The following CIZ1 variants were observed in gnomAD, a reference collection of about 807,000 sequenced individuals.
The protein encoded by CIZ1 is CDKN1A interacting zinc finger protein 1.
In CIZ1, 58 loss-of-function variants were observed where a neutral mutation model predicts 118.6. The observed-to-expected ratio is 0.49, with a 90% CI of 0.40 to 0.61. The LOEUF is 0.61. Among genes scored for constraint, CIZ1 ranks in the 20% least tolerant of loss-of-function variants. CIZ1 has a pLI of 0.00. For synonymous variants in CIZ1, 448 were observed against 443.4 expected, an observed-to-expected ratio of 1.01 and a Z score of -0.13; for missense variants, 921 against 1,115.9, an observed-to-expected ratio of 0.83 and a Z score of 2.49.
At chr9:128,177,526 A>AGGC in intron 10 of CIZ1, 40 bp downstream of exon 10, 1 of 1,242,652 alleles carries the variant, frequency 8.0e-7, no homozygotes. Context: ...CATTCCACGC[A>AGGC]GGCCCCACCC....
intron 14 of CIZ1, chr9:128,167,574 T>TG: frequency 5.3e-6 from 1 of 187,170 alleles, no homozygotes; most frequent in Admixed American, 5.3e-5. Context: ...GTGGAGGAGC[T>TG]GGGCAGGGAA....
At chr9:128,198,745 T>C (rs1485488598) in intron 1 of CIZ1, among the ~76,000 whole-genome samples, 1 of 151,722 alleles carries the variant, frequency 6.6e-6, no homozygotes, top group Non-Finnish European at 1.5e-5. Context: ...GGCAGGGGAA[T>C]CGCTTGAACC....
Position 128,185,685 on chromosome 9 carries a change from G to C in CIZ1, c.450C>G (p.Phe150Leu), listed in dbSNP as rs1832272155. 1 of 1,608,714 alleles carries C rather than the reference G, an allele frequency of 6.2e-7. No homozygotes were observed. Among genetic ancestry groups the C allele is most frequent in the African/African-American group, 1.3e-5 (1 of 74,978 alleles). ...PQLATPNLQQ[F>L]FPQATRQSLL... The stretch of plus-strand genomic sequence containing the variant: ...AGGACTGGCGAGTGGCCTGGGGAAA[G>C]AACTGTTGCAAATTTGGAGTGGCCA... Residue 150 changes from phenylalanine (F) to leucine (L), a missense_variant, in exon 5 of 17, where the codon TTC (phenylalanine) becomes TTG (leucine). By Grantham distance (22) the Phe-to-Leu change is conservative. Coordinates refer to ENST00000372938, the MANE Select transcript of CIZ1 (RefSeq NM_001131016.2).
intron 3 of CIZ1, among the ~76,000 whole-genome samples, chr9:128,189,018 C>A (rs1286500460): frequency 6.0e-4 from 91 of 152,038 alleles, no homozygotes; most frequent in Non-Finnish European, 1.0e-4. Flanking sequence ...AGGATGGTCT[C>A]GATCTCCTGA....
upstream of CIZ1, among the ~76,000 whole-genome samples, chr9:128,192,294 C>T (rs529116825): frequency 1.3e-5 from 2 of 151,108 alleles, no homozygotes; most frequent in South Asian, 4.2e-4. Flanking sequence ...CACTTGAGCC[C>T]GGGAGGCACA....
At chr9:128,176,303 T>C in intron 11 of CIZ1, 48 bp downstream of exon 11, 1 of 1,600,944 alleles carries the variant, frequency 6.2e-7, no homozygotes, top group South Asian at 1.1e-5. Context: ...CCCTGGCCGA[T>C]GAGACTGCCT....
At chr9:128,201,845 G>T (rs948937786) in intron 1 of CIZ1, among the ~76,000 whole-genome samples, 3 of 152,204 alleles carry the variant, frequency 2.0e-5, no homozygotes, top group African/African-American at 7.2e-5. Context: ...GCCCAGATTA[G>T]ACTCCTAATC....
chr9:128,196,844 C>G (rs10819372), intron 1 of CIZ1: 6 of 152,002 alleles, frequency 3.9e-5, no homozygotes, highest in African/African-American at 1.5e-4. Context: ...CCTTGTGATA[C>G]CCCCGCCTCA....
Position 128,203,401 on chromosome 9 carries a change from G to T in CIZ1, c.-6+785C>A. The T allele has an allele frequency of 1.4e-5, 18 of 1,326,832 alleles. No individual in the cohort carries two copies. Among genetic ancestry groups the T allele is most frequent in the African/African-American group, 1.6e-5 (1 of 64,498 alleles). 82.2% of individuals were successfully genotyped at this position (1,326,832 alleles called of 1,614,324 possible). On this transcript the variant is annotated intron_variant, in intron 1 of 17. Coordinates refer to the CIZ1 transcript ENST00000372948. This position sits in a 1 kb window ranked among gnomAD's most constrained non-coding sequence, Gnocchi z 5.3. ...GGCAGTCTGGGCGCGCGGCTGCAGC[G>T]GCGGAGCCGGAGTCGGAGCCGGGAG...
At chr9:128,177,320 T>C (rs1400559425) in intron 10 of CIZ1, among the ~76,000 whole-genome samples, 1 of 152,000 alleles carries the variant, frequency 6.6e-6, no homozygotes, top group Non-Finnish European at 1.5e-5. Context: ...GCCCAAGAGG[T>C]AGAGGCTGCA....
intron 1 of CIZ1, chr9:128,200,142 A>C (rs1833477066): frequency 6.6e-6 from 1 of 152,050 alleles, no homozygotes; most frequent in South Asian, 2.1e-4. Flanking sequence ...CTGGCCTGGC[A>C]TCAGTGATAC....
chr9:128,188,117 C>CA (rs34796767), intron 3 of CIZ1, among the ~76,000 whole-genome samples, 183 bp from the exon 4 acceptor site: 76,955 of 104,422 alleles, frequency 0.74, 31,039 homozygotes, highest in Non-Finnish European at 0.91. Context: ...AAGAAAAAAG[C>CA]AAAAAAAAAA....
chr9:128,178,482 T>C lies in CIZ1; in HGVS notation c.1507A>G (p.Lys503Glu). The C allele has an allele frequency of 1.9e-6, 3 of 1,614,192 alleles. No individual in the cohort carries two copies. The highest frequency in any genetic ancestry group is 1.7e-6 in the Non-Finnish European group (2 of 1,180,022). ...DAVEAGGGME[K>E]TLPEPVGTQV... is the part of the protein sequence containing the mutation. ...GTGCCCACAGGCTCTGGCAAGGTCTTTTCCATGCCTGAAATGACAGATGTG... is the reference window on the plus strand; with the variant it reads ...GTGCCCACAGGCTCTGGCAAGGTCTCTTCCATGCCTGAAATGACAGATGTG... Residue 503 changes from lysine (K) to glutamate (E), a missense_variant, in exon 9 of 17, where the codon AAG (lysine) becomes GAG (glutamate). Coordinates refer to ENST00000372938, the MANE Select transcript of CIZ1 (RefSeq NM_001131016.2).
chr9:128,166,840 GC>G lies in CIZ1; in HGVS notation c.2405del (p.Arg802ProfsTer43), dbSNP rs752165094. 1 of 1,614,230 alleles carries G rather than the reference GC, an allele frequency of 6.2e-7. No homozygotes were observed. Among genetic ancestry groups the G allele is most frequent in the Non-Finnish European group, 8.5e-7 (1 of 1,180,036 alleles). On this transcript the variant is annotated frameshift_variant, in exon 16 of 17. Coordinates refer to ENST00000372938, the MANE Select transcript of CIZ1 (RefSeq NM_001131016.2). LOFTEE classifies it high-confidence loss of function. The surrounding 1 kb of genome is among the most constrained non-coding windows in gnomAD (Gnocchi z 4.4). ...FLVPVMGYIC[R>X]ICHKFYHSNS... is the part of the protein sequence containing the mutation. ...TGCTGTGATAGAACTTGTGGCAGAT[GC>G]GGCAGATATAGCCCATCACGGGCAC...
chr9:128,198,558 G>A (rs1211836308), intron 1 of CIZ1, among the ~76,000 whole-genome samples: 1 of 152,196 alleles, frequency 6.6e-6, no homozygotes, highest in Non-Finnish European at 1.5e-5. Flanking sequence ...TTTTGGCCAG[G>A]CACGGTGGCT....
Position 128,170,110 on chromosome 9 carries a change from G to A in CIZ1, c.1944-3C>T, listed in dbSNP as rs758838248. ...ACCAGCGCCTTGGTGGAGGCTCCCTGAATGACAACAGTCAAAGCAAGTACA... is the reference window on the plus strand; with the variant it reads ...ACCAGCGCCTTGGTGGAGGCTCCCTAAATGACAACAGTCAAAGCAAGTACA... On this transcript the variant is annotated splice_polypyrimidine_tract_variant and splice_region_variant and intron_variant, in intron 11 of 16. Transcript: ENST00000372938. 1.9e-6 allele frequency: 3 copies of A among 1,565,160 alleles called. No homozygotes were observed. Among genetic ancestry groups the A allele is most frequent in the Non-Finnish European group, 2.6e-6 (3 of 1,150,248 alleles).
At chr9:128,190,238 G>T in intron 3 of CIZ1, 91 bp downstream of exon 3, 1 of 869,892 alleles carries the variant, frequency 1.1e-6, no homozygotes, top group Non-Finnish European at 1.9e-6. Context: ...CTCCCTCTCA[G>T]GGTGGCTGTG....
Position 128,185,700 on chromosome 9 carries a change from T to C in CIZ1, c.435A>G (p.Pro145=). ...PSLTPPQLAT[P]NLQQFFPQAT... is the part of the protein sequence containing the mutation. The stretch of plus-strand genomic sequence containing the variant: ...CCTGGGGAAAGAACTGTTGCAAATT[T>C]GGAGTGGCCAGTTGTGGGGGTGTGA... The change falls in exon 5 of 17, where the codon CCA becomes CCG. Residue 145 remains proline (P), a synonymous_variant. Transcript: ENST00000372938. 6.2e-7 allele frequency: 1 copy of C among 1,610,386 alleles called. No homozygotes were observed. The highest frequency in any genetic ancestry group is 1.1e-5 in the South Asian group (1 of 90,518).
intron 3 of CIZ1, 147 bp downstream of exon 3, chr9:128,190,182 C>CT (rs1274643291): frequency 4.8e-6 from 3 of 631,126 alleles, no homozygotes; most frequent in Admixed American, 5.6e-5. Context: ...CTTTCACCTC[C>CT]TGGAGCCTTA....
Sources: allele counts gnomAD v4.1 joint callset (sites outside exome capture counted in the v4.1 genomes callset), GRCh38; gene constraint gnomAD v4.1.1; non-coding constraint Gnocchi (gnomAD v3.1); transcripts MANE v1.5; gene names NCBI Gene and HGNC (gene_info 2026-07-23, HGNC 2026-07-21).